Variants in AREL1 observed in about 807,000 individuals in gnomAD.
AREL1 encodes the protein apoptosis-resistant E3 ubiquitin protein ligase 1.
In AREL1, 62 loss-of-function variants were observed where a neutral mutation model predicts 99.0. That is an observed-to-expected ratio of 0.63 (90% CI 0.51 to 0.77). AREL1 has a LOEUF of 0.77. AREL1 is among the 30% of genes least tolerant of loss of function. The pLI is 0.00. For missense variants in AREL1, 879 were observed against 1,027.6 expected, an observed-to-expected ratio of 0.86 and a Z score of 1.98; for synonymous variants, 380 against 376.5, an observed-to-expected ratio of 1.01 and a Z score of -0.11.
intron 2 of AREL1, among the ~76,000 whole-genome samples, chr14:74,687,672 G>A (rs917350971): frequency 9.2e-5 from 14 of 152,270 alleles, no homozygotes; most frequent in East Asian, 3.9e-4. Context: ...TGTACCTCAC[G>A]GGGTGCTGTG....
Position 74,676,266 on chromosome 14 carries a change from G to A in AREL1, c.707C>T (p.Ser236Phe). 1 of 1,614,148 alleles carries A rather than the reference G, an allele frequency of 6.2e-7. No homozygotes were observed. Among genetic ancestry groups the A allele is most frequent in the Non-Finnish European group, 8.5e-7 (1 of 1,180,026 alleles). ...TGVSFEKSVTSNRQTFQVFLR... is the reference protein window; with the variant it reads ...TGVSFEKSVTFNRQTFQVFLR... ...GAACACCTGGAAAGTCTGCCTGTTGGATGTTACTGATTTCTCAAATGAGAC... is the reference window on the plus strand; with the variant it reads ...GAACACCTGGAAAGTCTGCCTGTTGAATGTTACTGATTTCTCAAATGAGAC... Residue 236 changes from serine to phenylalanine, a missense_variant, in exon 7 of 20, where the codon TCC (serine) becomes TTC (phenylalanine). Coordinates refer to ENST00000356357, the MANE Select transcript of AREL1 (RefSeq NM_001039479.2).
intron 1 of AREL1, among the ~76,000 whole-genome samples, chr14:74,694,336 G>A (rs2089939561): frequency 6.6e-6 from 1 of 152,060 alleles, no homozygotes; most frequent in African/African-American, 2.4e-5. Flanking sequence ...TACTATATAA[G>A]GAATTTTTAA....
Position 74,662,542 on chromosome 14 carries a change from T to A in AREL1, c.*1178A>T. On this transcript the variant is annotated 3_prime_UTR_variant, in exon 20 of 20. Coordinates refer to ENST00000356357, the MANE Select transcript of AREL1 (RefSeq NM_001039479.2). ...GTACTCTTCAATCATCATTCAACAG[T>A]GAACCTAATAAGCTTCCTCCCTCCT... 2.5e-6 allele frequency: 1 copy of A among 398,678 alleles called. No individual in the cohort carries two copies. The highest frequency in any genetic ancestry group is 4.4e-6 in the Non-Finnish European group (1 of 226,046). 24.7% of individuals were successfully genotyped at this position (398,678 alleles called of 1,614,324 possible). A position where few individuals can be genotyped will look rare whatever the true frequency, so the allele number is the denominator to read the frequency against.
chr14:74,675,645 A>C, intron 8 of AREL1, 54 bp downstream of exon 8: 1 of 1,577,412 alleles, frequency 6.3e-7, no homozygotes, highest in South Asian at 1.2e-5. Context: ...ACCAAATACC[A>C]ATTACACACA....
In AREL1 at chr14:74,670,092, C is replaced by T. The variant is rs755838503; in HGVS notation, c.1643G>A (p.Arg548His). 1.2e-5 allele frequency: 20 copies of T among 1,612,622 alleles called. No homozygotes were observed. The African/African-American group carries it at 2.3e-4, about 18-fold the overall frequency. ...TCCCGCAAACTCATACATTTTCAGG[C>T]GCAGATGAGCGGGGCGATTAGGGTT... ...HPNPNRPAHL[R>H]LKMYEFAGRL... is the part of the protein sequence containing the mutation. Residue 548 changes from arginine (R) to histidine (H), a missense_variant, in exon 14 of 20, where the codon CGC (arginine) becomes CAC (histidine). Physicochemically the swap from Arg to His is conservative, Grantham distance 29. Transcript: ENST00000356357.
chr14:74,703,376 C>A (rs1042695534), intron 1 of AREL1, among the ~76,000 whole-genome samples: 1 of 152,162 alleles, frequency 6.6e-6, no homozygotes, highest in Non-Finnish European at 1.5e-5. Flanking sequence ...AGGGAAACCA[C>A]CCCATGATTC....
chr14:74,690,799 A>G (rs185757925), intron 2 of AREL1, among the ~76,000 whole-genome samples: 6 of 152,326 alleles, frequency 3.9e-5, no homozygotes, highest in Admixed American at 1.3e-4. Context: ...GAAAAATATG[A>G]CAGTAGTAAA....
At chr14:74,706,689 T>A (rs10136897) in intron 1 of AREL1, among the ~76,000 whole-genome samples, 1 of 152,048 alleles carries the variant, frequency 6.6e-6, no homozygotes, top group Non-Finnish European at 1.5e-5. Context: ...TGTTGGACCC[T>A]AAAGATTCCA....
chr14:74,697,550 A>G (rs1331111112), intron 1 of AREL1, among the ~76,000 whole-genome samples: 1 of 152,156 alleles, frequency 6.6e-6, no homozygotes, highest in East Asian at 1.9e-4. Flanking sequence ...GCCCTCCTCC[A>G]TCAAGTTTAT....
intron 2 of AREL1, chr14:74,691,111 A>T (rs1215071632): frequency 6.6e-6 from 1 of 152,466 alleles, no homozygotes; most frequent in Non-Finnish European, 1.5e-5. Flanking sequence ...TGAGCTCAAG[A>T]GCTTGGGACC....
chr14:74,683,593 T>C, intron 4 of AREL1, 60 bp from the exon 5 acceptor site: 7 of 1,500,038 alleles, frequency 4.7e-6, no homozygotes, highest in Non-Finnish European at 6.5e-6. Context: ...ATTTCCTGTG[T>C]AGAGTGAGTG....
At chr14:74,676,411 G>T in intron 6 of AREL1, 90 bp from the exon 7 acceptor site, 1 of 1,483,032 alleles carries the variant, frequency 6.7e-7, no homozygotes, top group South Asian at 1.3e-5. Flanking sequence ...TCCTATCTAT[G>T]ATCTAATCTA....
intron 1 of AREL1, among the ~76,000 whole-genome samples, chr14:74,708,691 C>T (rs181289245): frequency 2.0e-5 from 3 of 152,332 alleles, no homozygotes; most frequent in African/African-American, 7.2e-5. Flanking sequence ...TCAACAGTAA[C>T]AAGCTGCACT....
At chr14:74,695,394 T>C (rs1204488412) in intron 1 of AREL1, among the ~76,000 whole-genome samples, 1 of 152,144 alleles carries the variant, frequency 6.6e-6, no homozygotes, top group African/African-American at 2.4e-5. Context: ...CTTTTATTTC[T>C]ATTCACTATG....
chr14:74,671,726 AGTT>A (rs2089350112), intron 11 of AREL1, among the ~76,000 whole-genome samples: 3 of 152,366 alleles, frequency 2.0e-5, no homozygotes, highest in South Asian at 2.1e-4. Context: ...GGAAAGCTGA[AGTT>A]GTTTTTTTCT....
chr14:74,662,704 G>GTCCC lies in AREL1; in HGVS notation c.*1012_*1015dup. The stretch of plus-strand genomic sequence containing the variant: ...CCTGTGATAAGCACGTAAACTCCTA[G>GTCCC]TCCCTGTTCCTTTGTCTTAGTGCTG... On this transcript the variant is annotated 3_prime_UTR_variant, in exon 20 of 20. Coordinates refer to ENST00000356357, the MANE Select transcript of AREL1 (RefSeq NM_001039479.2). The GTCCC allele has an allele frequency of 2.5e-6, 1 of 398,336 alleles. No individual in the cohort carries two copies. The allele number at this position is 398,336 out of a possible 1,614,324, so 24.7% of individuals were successfully genotyped here.
intron 2 of AREL1, among the ~76,000 whole-genome samples, chr14:74,688,816 C>T (rs1264421560): frequency 6.6e-6 from 1 of 151,556 alleles, no homozygotes; most frequent in African/African-American, 2.4e-5. Flanking sequence ...CTCTCAAAAG[C>T]CCTTCTATTT....
At position 74,670,786 on chromosome 14, in the gene AREL1, C is replaced by T. The variant is rs199748740; in HGVS notation, c.1584G>A (p.Arg528=). ...LFDTTNQLFT[R]FSDNNQALVH... ...CTAATGCTTGGTTGTTGTCACTGAA[C>T]CGGGTGAAGAGCTGATTGGTGGTAT... is the stretch of plus-strand genomic sequence containing the variant. Residue 528 remains arginine (R), a synonymous_variant, in exon 13 of 20, where the codon CGG becomes CGA. Transcript: ENST00000356357. 27 of 1,614,086 alleles carry T rather than the reference C, an allele frequency of 1.7e-5. 1 individual carries two copies. The Admixed American group carries it at 4.3e-4, about 26-fold the overall frequency.
Position 74,663,491 on chromosome 14 carries a change from T to A in AREL1, c.*229A>T. Reference sequence around the variant, plus strand: ...GCATGGTCCTCTTCTCATGACAGAATGAAGAGCTCAGCTTACATACCATGC... The same window carrying A: ...GCATGGTCCTCTTCTCATGACAGAAAGAAGAGCTCAGCTTACATACCATGC... On this transcript the variant is annotated 3_prime_UTR_variant, in exon 20 of 20. Coordinates refer to ENST00000356357, the MANE Select transcript of AREL1 (RefSeq NM_001039479.2). 1 of 552,546 alleles carries A rather than the reference T, an allele frequency of 1.8e-6. No individual in the cohort carries two copies. Among genetic ancestry groups the A allele is most frequent in the Non-Finnish European group, 3.3e-6 (1 of 305,424 alleles). The allele number at this position is 552,546 out of a possible 1,614,324, so 34.2% of individuals were successfully genotyped here. A position where few individuals can be genotyped will look rare whatever the true frequency, so the allele number is the denominator to read the frequency against.
Sources: gnomAD v4.1 joint callset for allele counts (sites outside exome capture counted in the v4.1 genomes callset) on GRCh38, gnomAD v4.1.1 for gene constraint, MANE v1.5 for transcripts, NCBI Gene and HGNC (gene_info 2026-07-23, HGNC 2026-07-21) for gene names.